Variants in DMD observed in about 807,000 individuals in gnomAD.
DMD encodes mutant dystrophin.
In DMD, 63 loss-of-function variants were observed where a neutral mutation model predicts 330.1. That is an observed-to-expected ratio of 0.19 (90% CI 0.16 to 0.24). The LOEUF (loss-of-function observed/expected upper bound fraction) is 0.24, where lower values mean the gene tolerates loss of function less well. Ranked by LOEUF, DMD falls within the 10% of genes least tolerant of loss-of-function variation. The probability of loss-of-function intolerance (pLI) is 1.00; values close to 1 mark genes in which losing one functional copy is unlikely to be tolerated. For synonymous variants in DMD, 1,223 were observed against 959.8 expected (o/e 1.27, Z -5.07); for missense variants, 3,344 against 2,684.1 (o/e 1.25, Z -5.43).
intron 2 of DMD, among the ~76,000 whole-genome samples, chrX:33,005,904 T>C (rs1602575838): frequency 9.0e-6 from 1 of 111,373 alleles, no homozygotes; most frequent in Admixed American, 9.6e-5. Flanking sequence ...TGTAGCAAAG[T>C]TGCAGGACAC....
At chrX:32,467,712 A>C (rs1370414602) in intron 23 of DMD, among the ~76,000 whole-genome samples, 1 of 108,251 alleles carries the variant, frequency 9.2e-6, no homozygotes, top group South Asian at 4.0e-4. Context: ...TATGGAAGCT[A>C]AAAATGCCAA....
At chrX:31,563,095 G>A (rs1039370706) in intron 55 of DMD, among the ~76,000 whole-genome samples, 6 of 110,051 alleles carry the variant, frequency 5.5e-5, no homozygotes, top group Admixed American at 2.9e-4. Context: ...ATGGAGTTTC[G>A]CTCTTGTTGC....
intron 7 of DMD, among the ~76,000 whole-genome samples, chrX:32,782,789 G>A (rs2074907394): frequency 9.1e-6 from 1 of 109,352 alleles, no homozygotes; most frequent in Admixed American, 9.9e-5. Flanking sequence ...ATAAATGCTT[G>A]AGGTGACATG....
intron 42 of DMD, among the ~76,000 whole-genome samples, chrX:32,306,046 G>T (rs373962994): frequency 3.8e-4 from 38 of 99,440 alleles, no homozygotes; most frequent in East Asian, 1.6e-3. Context: ...ACAGATTCTG[G>T]TTTTTTTTTT....
chrX:32,928,885 A>G (rs1184233664), intron 2 of DMD, among the ~76,000 whole-genome samples: 1 of 112,252 alleles, frequency 8.9e-6, no homozygotes, highest in Non-Finnish European at 1.9e-5. Flanking sequence ...TTGTTTATGC[A>G]TGGCTTTATT....
At chrX:32,630,605 G>T (rs1377949666) in intron 11 of DMD, among the ~76,000 whole-genome samples, 2 of 110,696 alleles carry the variant, frequency 1.8e-5, no homozygotes, top group Non-Finnish European at 3.8e-5. Flanking sequence ...CAATTCTTCT[G>T]TTACTCGTCT....
chrX:33,216,620 TA>T (rs2052061483), intron 1 of DMD, among the ~76,000 whole-genome samples: 1 of 112,333 alleles, frequency 8.9e-6, no homozygotes, highest in African/African-American at 3.2e-5. Flanking sequence ...ATTATTTTGT[TA>T]AAATTTTAAT....
At chrX:31,228,243 A>G (rs1394795995) in intron 63 of DMD, among the ~76,000 whole-genome samples, 1 of 100,045 alleles carries the variant, frequency 1.0e-5, no homozygotes, top group Non-Finnish European at 2.0e-5. Context: ...GTACCCTAAA[A>G]CTTAAAGTAT....
Position 33,069,574 on chromosome X carries a change from A to C in DMD, c.32-49374T>G, listed in dbSNP as rs773224000. ...CCTAACACCTGCTGCTATGAAGAGG[A>C]CCTTGTCAACATCTATCTAAATTGA... is the stretch of plus-strand genomic sequence containing the variant. On this transcript the variant is annotated intron_variant, in intron 1 of 78. Transcript: ENST00000357033. 4.5e-5 allele frequency among the ~76,000 whole-genome samples: 5 copies of C among 111,816 alleles called. No individual in the cohort carries two copies. The South Asian group carries it at 1.9e-3, about 41-fold the overall frequency.
Position 31,679,625 on chromosome X carries a change from C to T in DMD, c.7661-39G>A, listed in dbSNP as rs773570327. 8 of 1,097,647 alleles carry T rather than the reference C, an allele frequency of 7.3e-6. No homozygotes were observed. In the East Asian group the frequency reaches 2.4e-4, roughly 33 times the overall value. 90.5% of individuals were successfully genotyped at this position (1,097,647 alleles called of 1,213,427 possible). The stretch of plus-strand genomic sequence containing the variant: ...AAAAATAAATATATAGTAGTAAATG[C>T]TAGTCTGGAGGAGACATTTTAAATG... On this transcript the variant is annotated intron_variant, in intron 52 of 78. Coordinates refer to ENST00000357033, the MANE Select transcript of DMD (RefSeq NM_004006.3).
intron 43 of DMD, among the ~76,000 whole-genome samples, chrX:32,238,674 T>C (rs1347938875): frequency 8.9e-6 from 1 of 112,038 alleles, no homozygotes; most frequent in East Asian, 2.8e-4. Flanking sequence ...TCATATAGGA[T>C]ATGAAATCAA....
Position 31,496,815 on chromosome X carries a change from T to C in DMD, c.8520A>G (p.Ala2840=), listed in dbSNP as rs767304792. The C allele has an allele frequency of 1.6e-5, 20 of 1,212,365 alleles. No individual in the cohort carries two copies. The highest frequency in any genetic ancestry group is 2.2e-5 in the Non-Finnish European group (20 of 895,663). ...TATGTACATCGTTCTGCTTCTGAAC[T>C]GCTGGAAAGTCGCCTCCAATAGGTG... ...RQAPIGGDFP[A]VQKQNDVHRA... The change falls in exon 57 of 79, where the codon GCA becomes GCG. Residue 2840 remains alanine (A), a synonymous_variant. Coordinates refer to ENST00000357033, the MANE Select transcript of DMD (RefSeq NM_004006.3).
At chrX:31,741,704 C>A (rs1448923323) in intron 51 of DMD, among the ~76,000 whole-genome samples, 1 of 109,135 alleles carries the variant, frequency 9.2e-6, no homozygotes, top group Non-Finnish European at 1.9e-5. Context: ...CTGAAGGGCC[C>A]TAGGATTTTT....
chrX:32,401,256 C>T (rs1015921122), intron 30 of DMD, among the ~76,000 whole-genome samples: 30 of 108,800 alleles, frequency 2.8e-4, no homozygotes, highest in African/African-American at 1.0e-3. Flanking sequence ...GGGTGCAGCG[C>T]ACCAGCATGG....
intron 60 of DMD, among the ~76,000 whole-genome samples, chrX:31,366,542 G>GA (rs1014526286): frequency 2.6e-5 from 1 of 38,476 alleles, no homozygotes; most frequent in Admixed American, 2.7e-4. Context: ...AGAAAAAAAA[G>GA]AAAAAAAACT....
At chrX:32,796,500 A>G (rs894502469) in intron 7 of DMD, among the ~76,000 whole-genome samples, 1 of 111,723 alleles carries the variant, frequency 9.0e-6, no homozygotes, top group African/African-American at 3.3e-5. Context: ...TAATGGGTAC[A>G]AATATATAGT....
chrX:33,259,645 C>A (rs1304164639), intron 1 of DMD, among the ~76,000 whole-genome samples: 1 of 84,605 alleles, frequency 1.2e-5, no homozygotes, highest in African/African-American at 4.4e-5. Flanking sequence ...CTTCTGGTCG[C>A]AAGCATTTCG....
In DMD at chrX:31,421,974, CACATATATATATGTATATAT is replaced by C. The variant is rs1569540463; in HGVS notation, c.9084+22487_9084+22506del. ...ATATATATATACACATATATATATA[CACATATATATATGTATATAT>C]ACACACACATATATATATATATAAA... On this transcript the variant is annotated intron_variant, in intron 60 of 78. Transcript: ENST00000357033. 4.9e-3 allele frequency among the ~76,000 whole-genome samples: 319 copies of C among 65,673 alleles called. 4 individuals carry two copies. The highest frequency in any genetic ancestry group is 0.025 in the African/African-American group (235 of 9,373). 57.0% of individuals were successfully genotyped at this position (65,673 alleles called of 115,157 possible).
intron 53 of DMD, among the ~76,000 whole-genome samples, chrX:31,668,576 G>A (rs376657035): frequency 1.5e-3 from 164 of 110,812 alleles, no homozygotes; most frequent in African/African-American, 5.1e-3. Flanking sequence ...GCAATTTAAC[G>A]TATCTATCAC....
Sources: gnomAD v4.1 joint callset for allele counts (sites outside exome capture counted in the v4.1 genomes callset) on GRCh38, gnomAD v4.1.1 for gene constraint, MANE v1.5 for transcripts, NCBI Gene and HGNC (gene_info 2026-07-23, HGNC 2026-07-21) for gene names.